Variants in SLC22A23 observed in about 807,000 individuals in gnomAD.
SLC22A23 encodes the protein solute carrier family 22 member 23.
Under a neutral mutation model 61.0 loss-of-function variants are expected in SLC22A23, and 26 were observed. That is an observed-to-expected ratio of 0.43 (90% CI 0.31 to 0.59). The LOEUF is 0.59. Ranked by LOEUF, SLC22A23 falls within the 20% of genes least tolerant of loss-of-function variation. The probability of loss-of-function intolerance (pLI) is 0.11; values close to 1 mark genes in which losing one functional copy is unlikely to be tolerated. For missense variants in SLC22A23, 796 were observed against 934.7 expected, an observed-to-expected ratio of 0.85 and a Z score of 1.94; for synonymous variants, 430 against 413.9, an observed-to-expected ratio of 1.04 and a Z score of -0.47.
chr6:3,346,039 C>G (rs553680829), intron 3 of SLC22A23, among the ~76,000 whole-genome samples: 1 of 152,288 alleles, frequency 6.6e-6, no homozygotes, highest in African/African-American at 2.4e-5. Flanking sequence ...TGCCACTAAA[C>G]AGCTTCCACT....
At chr6:3,425,467 G>C (rs1203401884) in intron 1 of SLC22A23, among the ~76,000 whole-genome samples, 3 of 151,840 alleles carry the variant, frequency 2.0e-5, no homozygotes, top group Non-Finnish European at 4.4e-5. Context: ...TGTATTTTTA[G>C]TAGAGACGGG....
chr6:3,305,242 A>T (rs765129452), intron 4 of SLC22A23, among the ~76,000 whole-genome samples: 4 of 152,210 alleles, frequency 2.6e-5, no homozygotes, highest in Non-Finnish European at 5.9e-5. Context: ...TTACACAGCT[A>T]TTTAATGGCA....
chr6:3,280,131 A>G (rs1210071233), intron 9 of SLC22A23, among the ~76,000 whole-genome samples: 1 of 152,234 alleles, frequency 6.6e-6, no homozygotes, highest in Non-Finnish European at 1.5e-5. Context: ...CAACTGCTGA[A>G]GATGCCCAGC....
rs192633289 is a variant in SLC22A23 at position 3,328,858 on chromosome 6, C to T, written c.914-4856G>A. On this transcript the variant is annotated intron_variant, in intron 3 of 9. Coordinates refer to ENST00000406686, the MANE Select transcript of SLC22A23 (RefSeq NM_015482.2). This position sits in a 1 kb window ranked among gnomAD's most constrained non-coding sequence, Gnocchi z 5.0. The stretch of plus-strand genomic sequence containing the variant: ...GTCCTGCCCATCACACAGGCTCACA[C>T]GAGGCCTCCCGTGAAGCCCATCTCC... Among the ~76,000 whole-genome samples the T allele has an allele frequency of 9.0e-4, 137 of 152,106 alleles. No homozygotes were observed. Among genetic ancestry groups the T allele is most frequent in the Non-Finnish European group, 1.3e-3 (90 of 67,986 alleles).
At chr6:3,418,488 G>A (rs540960396) in intron 1 of SLC22A23, among the ~76,000 whole-genome samples, 11 of 152,342 alleles carry the variant, frequency 7.2e-5, no homozygotes, top group African/African-American at 2.6e-4. Flanking sequence ...TAGCTAATAA[G>A]ACATTCAGTG....
intron 1 of SLC22A23, among the ~76,000 whole-genome samples, chr6:3,436,609 C>G (rs951323343): frequency 6.6e-6 from 1 of 152,138 alleles, no homozygotes; most frequent in Non-Finnish European, 1.5e-5. Context: ...CCCAGGGATT[C>G]CCAACTCTCT....
intron 4 of SLC22A23, among the ~76,000 whole-genome samples, chr6:3,306,965 C>T (rs769443383): frequency 2.0e-5 from 3 of 152,188 alleles, no homozygotes; most frequent in Non-Finnish European, 4.4e-5. Context: ...TGCCTTCCCA[C>T]CAAGCAGGCG....
chr6:3,329,558 G>A lies in SLC22A23; in HGVS notation c.914-5556C>T, dbSNP rs1330148797. ...TGCCATGCAGGGTATGGGATGAGGC[G>A]CCCGCTCTGGCCTAGAGGTGGGGGT... is the stretch of plus-strand genomic sequence containing the variant. On this transcript the variant is annotated intron_variant, in intron 3 of 9. Transcript: ENST00000406686. The surrounding 1 kb of genome is among the most constrained non-coding windows in gnomAD (Gnocchi z 4.8). 2.6e-5 allele frequency among the ~76,000 whole-genome samples: 4 copies of A among 152,292 alleles called. No homozygotes were observed. The highest frequency in any genetic ancestry group is 1.9e-4 in the East Asian group (1 of 5,180).
At chr6:3,446,686 C>A (rs1481760262) in intron 1 of SLC22A23, among the ~76,000 whole-genome samples, 1 of 152,214 alleles carries the variant, frequency 6.6e-6, no homozygotes, top group Non-Finnish European at 1.5e-5. Flanking sequence ...CCCAAACAGG[C>A]CCAGTTTCCT....
rs1021461639 is a variant in SLC22A23 at position 3,390,804 on chromosome 6, C to T, written c.913+19384G>A. Reference sequence around the variant, plus strand: ...AAACATCAGTCTCAGGCCCTACAGGCTTCAATAATATGCTGCCTATCTGCC... The same window carrying T: ...AAACATCAGTCTCAGGCCCTACAGGTTTCAATAATATGCTGCCTATCTGCC... On this transcript the variant is annotated intron_variant, in intron 3 of 9. Coordinates refer to ENST00000406686, the MANE Select transcript of SLC22A23 (RefSeq NM_015482.2). The surrounding 1 kb of genome is among the most constrained non-coding windows in gnomAD (Gnocchi z 4.0). 6.6e-6 allele frequency among the ~76,000 whole-genome samples: 1 copy of T among 152,208 alleles called. No homozygotes were observed. Among genetic ancestry groups the T allele is most frequent in the Non-Finnish European group, 1.5e-5 (1 of 68,036 alleles).
chr6:3,353,328 G>C (rs953064245), intron 3 of SLC22A23, among the ~76,000 whole-genome samples: 2 of 152,190 alleles, frequency 1.3e-5, no homozygotes, highest in African/African-American at 4.8e-5. Flanking sequence ...ACCACAGCCA[G>C]CTCCCCAATG....
At chr6:3,448,291 C>A (rs1346674643) in intron 1 of SLC22A23, among the ~76,000 whole-genome samples, 12 of 152,124 alleles carry the variant, frequency 7.9e-5, no homozygotes, top group Non-Finnish European at 2.9e-5. Context: ...AAACCCTGAT[C>A]TCCACTGTTT....
At chr6:3,305,591 C>G (rs1174993586) in intron 4 of SLC22A23, among the ~76,000 whole-genome samples, 1 of 152,098 alleles carries the variant, frequency 6.6e-6, no homozygotes, top group Admixed American at 6.5e-5. Flanking sequence ...TTAATGAAAT[C>G]TCTGCTGACA....
rs1245568365 is a variant in SLC22A23, at chr6:3,269,404, A to C, written c.*3651T>G. 6.6e-6 allele frequency: 1 copy of C among 152,562 alleles called. No individual in the cohort carries two copies. The highest frequency in any genetic ancestry group is 1.5e-5 in the Non-Finnish European group (1 of 68,052). 9.5% of individuals were successfully genotyped at this position (152,562 alleles called of 1,614,324 possible). ...TATTACTCACCATTAATGGTAGTGA[A>C]ATGCCCTTCGGTGGATACCATCAGG... On this transcript the variant is annotated 3_prime_UTR_variant, in exon 10 of 10. Coordinates refer to ENST00000406686, the MANE Select transcript of SLC22A23 (RefSeq NM_015482.2).
chr6:3,269,983 C>G lies in SLC22A23; in HGVS notation c.*3072G>C, dbSNP rs1215097969. 1 of 152,768 alleles carries G rather than the reference C, an allele frequency of 6.5e-6. No individual in the cohort carries two copies. Among genetic ancestry groups the G allele is most frequent in the Non-Finnish European group, 1.5e-5 (1 of 68,046 alleles). The allele number at this position is 152,768 out of a possible 1,614,324, so 9.5% of individuals were successfully genotyped here. Reference sequence around the variant, plus strand: ...TTCCAGATGCAGGTGATCTTACTCTCAGTAAACAAAAACATGTAACCTTTT... The same window carrying G: ...TTCCAGATGCAGGTGATCTTACTCTGAGTAAACAAAAACATGTAACCTTTT... On this transcript the variant is annotated 3_prime_UTR_variant, in exon 10 of 10. Coordinates refer to ENST00000406686, the MANE Select transcript of SLC22A23 (RefSeq NM_015482.2).
In SLC22A23 at chr6:3,433,799, C is replaced by T. The variant is rs545058338; in HGVS notation, c.655-17944G>A. Among the ~76,000 whole-genome samples, 142 of 152,278 alleles carry T rather than the reference C, an allele frequency of 9.3e-4. 1 individual carries two copies. The highest frequency in any genetic ancestry group is 9.1e-3 in the Admixed American group (139 of 15,298). ...TGAGACTGACACGGCGGACCACAGG[C>T]CTCCTTCATATAACCTTCCAGAATA... On this transcript the variant is annotated intron_variant, in intron 1 of 9. Coordinates refer to ENST00000406686, the MANE Select transcript of SLC22A23 (RefSeq NM_015482.2).
At chr6:3,398,221 A>G (rs1250359748) in intron 3 of SLC22A23, among the ~76,000 whole-genome samples, 1 of 152,182 alleles carries the variant, frequency 6.6e-6, no homozygotes, top group African/African-American at 2.4e-5. Context: ...TTTAAAACTG[A>G]TATGGATGGG....
chr6:3,456,269 C>A lies in SLC22A23; in HGVS notation c.291G>T (p.Lys97Asn). 1 of 1,551,364 alleles carries A rather than the reference C, an allele frequency of 6.4e-7. No individual in the cohort carries two copies. Among genetic ancestry groups the A allele is most frequent in the Non-Finnish European group, 8.7e-7 (1 of 1,146,840 alleles). The change falls in exon 1 of 10, where the codon AAG becomes AAT. Residue 97 changes from lysine to asparagine, a missense_variant. Transcript: ENST00000406686. The surrounding 1 kb of genome is among the most constrained non-coding windows in gnomAD (Gnocchi z 7.1). ...GGATCCAGGTGAGCAGCACGAGGGT[C>A]TTCTGATAGCCCCCGCCCAGGCCCC... The part of the protein sequence containing the change: ...FLGGLGGGYQ[K>N]TLVLLTWIPA...
Position 3,410,142 on chromosome 6 carries a change from CT to C in SLC22A23, c.913+45del. The C allele has an allele frequency of 6.4e-7, 1 of 1,568,942 alleles. No individual in the cohort carries two copies. The highest frequency in any genetic ancestry group is 1.2e-5 in the South Asian group (1 of 83,040). On this transcript the variant is annotated intron_variant, in intron 3 of 9. Transcript: ENST00000406686. The surrounding 1 kb of genome is among the most constrained non-coding windows in gnomAD (Gnocchi z 5.0). The stretch of plus-strand genomic sequence containing the variant: ...TCCCAGAACCTCCCAGGCAACAATA[CT>C]TTTGCTAAATTCTTTCAAGACTAGT...
Sources: gnomAD v4.1 joint callset for allele counts (sites outside exome capture counted in the v4.1 genomes callset) on GRCh38, gnomAD v4.1.1 for gene constraint, Gnocchi (gnomAD v3.1) non-coding constraint, MANE v1.5 for transcripts, NCBI Gene and HGNC (gene_info 2026-07-23, HGNC 2026-07-21) for gene names.